ARHGAP29: variants seen among roughly 807,000 people sequenced by gnomAD.
ARHGAP29 encodes the protein Rho GTPase activating protein 29, also known as rho GTPase-activating protein 29.
A neutral mutation model predicts 122.6 loss-of-function variants in ARHGAP29; 43 were observed. The observed-to-expected ratio is 0.35, with a 90% CI of 0.27 to 0.45. The LOEUF (loss-of-function observed/expected upper bound fraction) is 0.45, where lower values mean the gene tolerates loss of function less well. Ranked by LOEUF, ARHGAP29 falls within the 20% of genes least tolerant of loss-of-function variation. The probability of loss-of-function intolerance (pLI) is 1.00; values close to 1 mark genes in which losing one functional copy is unlikely to be tolerated. For synonymous variants in ARHGAP29, 506 were observed against 497.1 expected, an observed-to-expected ratio of 1.02 and a Z score of -0.24; for missense variants, 1,303 against 1,477.2, an observed-to-expected ratio of 0.88 and a Z score of 1.93.
chr1:94,186,107 C>T (rs1428743435), intron 16 of ARHGAP29, among the ~76,000 whole-genome samples: 1 of 152,158 alleles, frequency 6.6e-6, no homozygotes. Context: ...TCCTTGTCCT[C>T]AAGAAGTACA....
chr1:94,191,610 C>T (rs1458692460), intron 12 of ARHGAP29: 1 of 152,164 alleles, frequency 6.6e-6, no homozygotes, highest in Admixed American at 6.5e-5. Context: ...ACTGCTTACT[C>T]TCTTGATCCT....
chr1:94,221,078 C>A (rs1652264893), intron 2 of ARHGAP29, among the ~76,000 whole-genome samples: 1 of 152,128 alleles, frequency 6.6e-6, no homozygotes, highest in Non-Finnish European at 1.5e-5. Context: ...TCATTTACAT[C>A]ATCCTAGGTC....
chr1:94,255,574 C>T (rs763685182), intron 1 of ARHGAP29, among the ~76,000 whole-genome samples: 18 of 152,336 alleles, frequency 1.2e-4, no homozygotes, highest in Middle Eastern at 3.4e-3. Flanking sequence ...CATTATCCAA[C>T]TTGTTAAGTG....
intron 12 of ARHGAP29, 53 bp from the exon 13 acceptor site, chr1:94,190,136 A>G: frequency 1.3e-6 from 2 of 1,560,024 alleles, no homozygotes; most frequent in East Asian, 2.3e-5. Context: ...AGAATGCTAT[A>G]TAAACATACA....
intron 3 of ARHGAP29, among the ~76,000 whole-genome samples, chr1:94,218,658 A>T (rs1173022142): frequency 6.6e-6 from 1 of 152,248 alleles, no homozygotes; most frequent in Non-Finnish European, 1.5e-5. Flanking sequence ...AAATTTGGTT[A>T]CTAAGCACAT....
chr1:94,278,979 C>T (rs1655270653), upstream of ARHGAP29, among the ~76,000 whole-genome samples: 2 of 152,208 alleles, frequency 1.3e-5, no homozygotes, highest in South Asian at 4.1e-4. Context: ...ACATCTGATG[C>T]ATGGGAGAAT....
chr1:94,262,412 TTAAAC>T (rs1480049094), intron 1 of ARHGAP29, among the ~76,000 whole-genome samples: 1 of 151,648 alleles, frequency 6.6e-6, no homozygotes. Context: ...CAAATGGAAA[TTAAAC>T]TAAAGAGCTT....
chr1:94,256,610 T>C (rs943722340), intron 1 of ARHGAP29, among the ~76,000 whole-genome samples: 1 of 131,568 alleles, frequency 7.6e-6, no homozygotes, highest in Admixed American at 8.7e-5. Flanking sequence ...CAGGCTGGAG[T>C]GCAGTGGCGC....
chr1:94,238,747 T>C (rs1017789095), upstream of ARHGAP29, among the ~76,000 whole-genome samples: 2 of 150,218 alleles, frequency 1.3e-5, no homozygotes, highest in African/African-American at 2.5e-5. Flanking sequence ...AAAGAGAAAA[T>C]AAGGAAGAAA....
intron 1 of ARHGAP29, among the ~76,000 whole-genome samples, chr1:94,262,563 C>T (rs919651002): frequency 6.6e-6 from 1 of 151,960 alleles, no homozygotes; most frequent in East Asian, 1.9e-4. Flanking sequence ...AGCAAAAAAA[C>T]CAACAACCCA....
intron 1 of ARHGAP29, among the ~76,000 whole-genome samples, chr1:94,232,076 G>A (rs545748131): frequency 9.2e-5 from 14 of 152,174 alleles, no homozygotes; most frequent in African/African-American, 3.1e-4. Context: ...ACATCACTTA[G>A]TAGAAGGTCA....
chr1:94,225,755 T>C (rs1251838892), intron 2 of ARHGAP29, among the ~76,000 whole-genome samples: 2 of 152,088 alleles, frequency 1.3e-5, no homozygotes, highest in Non-Finnish European at 2.9e-5. Context: ...ATTGTAAATG[T>C]AATGAAATTT....
intron 3 of ARHGAP29, among the ~76,000 whole-genome samples, chr1:94,213,025 G>C (rs974703315): frequency 1.3e-5 from 2 of 152,112 alleles, no homozygotes; most frequent in Admixed American, 1.3e-4. Context: ...TCTCCTTAAA[G>C]CTACCATTCA....
chr1:94,177,526 AT>A (rs1481903620), intron 22 of ARHGAP29, 85 bp downstream of exon 22: 15 of 992,364 alleles, frequency 1.5e-5, no homozygotes, highest in Non-Finnish European at 2.0e-5. Context: ...GGCTTCCCTC[AT>A]TGCCCCTCAC....
intron 20 of ARHGAP29, among the ~76,000 whole-genome samples, chr1:94,179,391 C>T (rs145717846): frequency 0.016 from 2,506 of 151,956 alleles, 42 homozygotes; most frequent in South Asian, 0.058. Context: ...GTCAGGAGTT[C>T]GAGACCAGTC....
rs761991943 is a variant in ARHGAP29 at position 94,231,440 on chromosome 1, T to C, written c.172A>G (p.Met58Val). ...LVNDIRKFSH[M>V]LLYLKEAIFS... ...ATGGCTTCTTTCAAATATAGTAACA[T>C]GTGGGAGAACTTCCTGATATCATTC... The change falls in exon 2 of 23, where the codon ATG (methionine) becomes GTG (valine). Residue 58 changes from methionine (M) to valine (V), a missense_variant. Physicochemically the swap from Met to Val is conservative, Grantham distance 21. Coordinates refer to ENST00000260526, the MANE Select transcript of ARHGAP29 (RefSeq NM_004815.4). The C allele has an allele frequency of 5.9e-5, 95 of 1,613,540 alleles. 1 individual carries two copies. The South Asian group carries it at 7.4e-4, about 12-fold the overall frequency.
upstream of ARHGAP29, among the ~76,000 whole-genome samples, chr1:94,275,325 A>G (rs1655143628): frequency 6.6e-6 from 1 of 152,198 alleles, no homozygotes. Context: ...GAAAATTGAA[A>G]TGGTTTTAGG....
At chr1:94,304,861 T>A in the ARHGAP29 span, among the ~76,000 whole-genome samples, 1 of 152,212 alleles carries the variant, frequency 6.6e-6, no homozygotes, top group Non-Finnish European at 1.5e-5. Context: ...CAGGACATAA[T>A]GATTCCTAGT....
At chr1:94,201,559 G>A (rs891853736) in intron 12 of ARHGAP29, among the ~76,000 whole-genome samples, 161 bp downstream of exon 12, 2 of 136,938 alleles carry the variant, frequency 1.5e-5, no homozygotes, top group Admixed American at 8.0e-5. Flanking sequence ...CCACTCTAGA[G>A]TGGGTAATCA....
Sources: allele counts gnomAD v4.1 joint callset (sites outside exome capture counted in the v4.1 genomes callset), GRCh38; gene constraint gnomAD v4.1.1; transcripts MANE v1.5; gene names NCBI Gene and HGNC (gene_info 2026-07-23, HGNC 2026-07-21).